The following PARD3B variants were observed in gnomAD, a reference collection of about 807,000 sequenced individuals.
The protein encoded by PARD3B is partitioning defective 3 homolog B.
Under a neutral mutation model 130.2 loss-of-function variants are expected in PARD3B, and 103 were observed. The ratio of observed to expected loss-of-function variants is 0.79; its 90% CI spans 0.67 to 0.93. The LOEUF is 0.93. Ranked by LOEUF, PARD3B falls within the 40% of genes least tolerant of loss-of-function variation. The pLI is 0.00. For missense variants in PARD3B, 1,609 were observed against 1,499.2 expected, an observed-to-expected ratio of 1.07 and a Z score of -1.21; for synonymous variants, 583 against 553.2, an observed-to-expected ratio of 1.05 and a Z score of -0.76.
intron 2 of PARD3B, among the ~76,000 whole-genome samples, chr2:204,715,297 G>A (rs2038663425): frequency 6.6e-6 from 1 of 152,154 alleles, no homozygotes; most frequent in Non-Finnish European, 1.5e-5. Flanking sequence ...ACTTCCCTGT[G>A]ATTCTGACAA....
rs577360612 is a variant in PARD3B, at chr2:204,954,106, C to T, written c.223-11046C>T. 9.9e-5 allele frequency among the ~76,000 whole-genome samples: 15 copies of T among 152,174 alleles called. No homozygotes were observed. The South Asian group carries it at 1.0e-3, about 11-fold the overall frequency. On this transcript the variant is annotated intron_variant, in intron 2 of 22. Coordinates refer to ENST00000406610, the MANE Select transcript of PARD3B (RefSeq NM_001302769.2). ...TACAAATCTTGACATTTAGATGCTC[C>T]CAAAGTCAGCACCCATCCCAGCAGG...
chr2:204,711,203 G>C (rs2038416998), intron 2 of PARD3B, among the ~76,000 whole-genome samples: 1 of 152,040 alleles, frequency 6.6e-6, no homozygotes, highest in Non-Finnish European at 1.5e-5. Flanking sequence ...TTATAGTATT[G>C]AGACAGCCAC....
chr2:205,545,117 C>G (rs1056060663), intron 21 of PARD3B, among the ~76,000 whole-genome samples: 7 of 152,156 alleles, frequency 4.6e-5, no homozygotes, highest in Non-Finnish European at 1.0e-4. Context: ...GTTCTTTCGC[C>G]TCTCTGGATG....
intron 2 of PARD3B, among the ~76,000 whole-genome samples, chr2:204,847,680 G>A (rs1411263830): frequency 6.6e-6 from 1 of 152,096 alleles, no homozygotes; most frequent in Non-Finnish European, 1.5e-5. Flanking sequence ...CATCAGTTCA[G>A]CTGTGGTAGT....
chr2:204,785,612 G>T (rs1484041429), intron 2 of PARD3B, among the ~76,000 whole-genome samples: 1 of 152,118 alleles, frequency 6.6e-6, no homozygotes, highest in Non-Finnish European at 1.5e-5. Flanking sequence ...ATGTGTATTG[G>T]TCTCTAGTCC....
intron 4 of PARD3B, among the ~76,000 whole-genome samples, chr2:205,090,339 G>A (rs1029195429): frequency 2.0e-5 from 3 of 152,222 alleles, no homozygotes; most frequent in African/African-American, 7.2e-5. Flanking sequence ...GTTGTGTCAT[G>A]TGGCATTGAG....
intron 2 of PARD3B, among the ~76,000 whole-genome samples, chr2:204,698,240 C>T (rs908295825): frequency 6.6e-6 from 1 of 152,102 alleles, no homozygotes; most frequent in Non-Finnish European, 1.5e-5. Context: ...TTTTGGGCTC[C>T]TCTTTATTTC....
intron 19 of PARD3B, among the ~76,000 whole-genome samples, chr2:205,424,115 C>T (rs903889812): frequency 9.9e-5 from 15 of 152,126 alleles, no homozygotes; most frequent in African/African-American, 3.6e-4. Flanking sequence ...TAGTTGAATA[C>T]AATATTTTTG....
At chr2:204,927,269 G>T (rs1394513493) in intron 2 of PARD3B, among the ~76,000 whole-genome samples, 1 of 152,024 alleles carries the variant, frequency 6.6e-6, no homozygotes, top group Non-Finnish European at 1.5e-5. Context: ...GTAGGGCCTG[G>T]GGGAGGTGAT....
intron 20 of PARD3B, among the ~76,000 whole-genome samples, chr2:205,486,459 A>G (rs59136569): frequency 0.46 from 70,084 of 151,954 alleles, 16,349 homozygotes; most frequent in Middle Eastern, 0.59. Context: ...TTCTAGCACT[A>G]ATATGAAGAA....
intron 3 of PARD3B, among the ~76,000 whole-genome samples, chr2:205,037,338 A>G (rs1698045171): frequency 1.1e-5 from 1 of 90,836 alleles, no homozygotes; most frequent in African/African-American, 3.7e-5. Context: ...TGTATAAAAT[A>G]TATATAGTGG....
At chr2:204,987,664 C>G (rs1693282835) in intron 3 of PARD3B, among the ~76,000 whole-genome samples, 1 of 152,122 alleles carries the variant, frequency 6.6e-6, no homozygotes, top group South Asian at 2.1e-4. Context: ...AAATTAAACT[C>G]TAGATTTTCA....
intron 20 of PARD3B, among the ~76,000 whole-genome samples, chr2:205,477,973 C>A (rs2049083890): frequency 6.6e-6 from 1 of 152,192 alleles, no homozygotes; most frequent in East Asian, 1.9e-4. Flanking sequence ...ATCAACATCC[C>A]AACCCAGGGC....
intron 2 of PARD3B, among the ~76,000 whole-genome samples, chr2:204,955,443 T>C (rs1026506127): frequency 6.6e-6 from 1 of 152,212 alleles, no homozygotes; most frequent in African/African-American, 2.4e-5. Context: ...GTGACCTTTA[T>C]CCCTAACAGG....
At chr2:204,917,963 T>C (rs1225105770) in intron 2 of PARD3B, among the ~76,000 whole-genome samples, 2 of 152,212 alleles carry the variant, frequency 1.3e-5, no homozygotes, top group African/African-American at 4.8e-5. Flanking sequence ...GGTTTTTTCT[T>C]AGATTAGTTC....
chr2:205,229,789 C>T lies in PARD3B; in HGVS notation c.2141-15989C>T, dbSNP rs561004072. On this transcript the variant is annotated intron_variant, in intron 15 of 22. Coordinates refer to ENST00000406610, the MANE Select transcript of PARD3B (RefSeq NM_001302769.2). This position sits in a 1 kb window ranked among gnomAD's most constrained non-coding sequence, Gnocchi z 5.2. ...TGGCCTCGAGTGAGTCCACAGATGC[C>T]GTCCAGGAGCCAGGGCCTAGAGTCA... Among the ~76,000 whole-genome samples the T allele has an allele frequency of 1.2e-4, 18 of 152,026 alleles. No homozygotes were observed. Among genetic ancestry groups the T allele is most frequent in the Admixed American group, 2.0e-4 (3 of 15,272 alleles).
intron 20 of PARD3B, among the ~76,000 whole-genome samples, chr2:205,494,364 G>A (rs2106327529): frequency 6.6e-6 from 1 of 152,286 alleles, no homozygotes; most frequent in East Asian, 1.9e-4. Flanking sequence ...CATTCAGTTA[G>A]TGGTGAACTT....
At chr2:204,962,518 C>T (rs1306084834) in intron 2 of PARD3B, among the ~76,000 whole-genome samples, 1 of 152,112 alleles carries the variant, frequency 6.6e-6, no homozygotes, top group Non-Finnish European at 1.5e-5. Context: ...TTTCCATGCA[C>T]TAGATTCTTT....
In PARD3B at chr2:204,758,350, C is replaced by T. The variant is rs186689987; in HGVS notation, c.222+72068C>T. On this transcript the variant is annotated intron_variant, in intron 2 of 22. Coordinates refer to ENST00000406610, the MANE Select transcript of PARD3B (RefSeq NM_001302769.2). ...TAAGGCATGTTTCACTGGGATCTACCAGTGAAACAGTCTACCACAAGTGTG... is the reference window on the plus strand; with the variant it reads ...TAAGGCATGTTTCACTGGGATCTACTAGTGAAACAGTCTACCACAAGTGTG... Among the ~76,000 whole-genome samples, 276 of 152,198 alleles carry T rather than the reference C, an allele frequency of 1.8e-3. 1 individual carries two copies. The highest frequency in any genetic ancestry group is 6.8e-4 in the Non-Finnish European group (46 of 68,000).
Sources: allele counts gnomAD v4.1 joint callset (sites outside exome capture counted in the v4.1 genomes callset), GRCh38; gene constraint gnomAD v4.1.1; non-coding constraint Gnocchi (gnomAD v3.1); transcripts MANE v1.5; gene names NCBI Gene and HGNC (gene_info 2026-07-23, HGNC 2026-07-21).